The following ABCA1 variants were observed in gnomAD, a reference collection of about 807,000 sequenced individuals.
ABCA1 encodes the protein phospholipid-transporting ATPase ABCA1.
A neutral mutation model predicts 262.5 loss-of-function variants in ABCA1; 133 were observed. The ratio of observed to expected loss-of-function variants is 0.51; its 90% CI spans 0.44 to 0.59. The LOEUF is 0.59. Ranked by LOEUF, ABCA1 falls within the 20% of genes least tolerant of loss-of-function variation. The pLI is 0.00. For synonymous variants in ABCA1, 1,022 were observed against 1,043.5 expected (o/e 0.98, Z 0.40); for missense variants, 2,452 against 2,777.5 (o/e 0.88, Z 2.63).
intron 37 of ABCA1, among the ~76,000 whole-genome samples, chr9:104,796,960 T>A (rs889500779): frequency 6.6e-6 from 1 of 152,092 alleles, no homozygotes; most frequent in East Asian, 1.9e-4. Context: ...AGGACAATTA[T>A]GAGAATTCAC....
At position 104,817,248 on chromosome 9, in the gene ABCA1, C is replaced by G. The variant is rs1831855412; in HGVS notation, c.3535+84G>C. ...AACCTTGAGTCAGCGCCACCAGCCT[C>G]TGCACCTCTCCTCCTCTGCCTCCAC... On this transcript the variant is annotated intron_variant, in intron 24 of 49. Coordinates refer to ENST00000374736, the MANE Select transcript of ABCA1 (RefSeq NM_005502.4). This position sits in a 1 kb window ranked among gnomAD's most constrained non-coding sequence, Gnocchi z 4.7. 1.1e-5 allele frequency: 17 copies of G among 1,611,218 alleles called. No individual in the cohort carries two copies. The highest frequency in any genetic ancestry group is 1.4e-5 in the Non-Finnish European group (16 of 1,179,124).
At chr9:104,832,462 T>G (rs1833430088) in intron 12 of ABCA1, 112 bp downstream of exon 12, 16 of 1,183,080 alleles carry the variant, frequency 1.4e-5, no homozygotes, top group Admixed American at 1.9e-5. Flanking sequence ...GATAGTTTTG[T>G]AAATGAGACT....
At chr9:104,787,519 C>G (rs541071379) in intron 46 of ABCA1, among the ~76,000 whole-genome samples, 1 of 152,252 alleles carries the variant, frequency 6.6e-6, no homozygotes, top group East Asian at 1.9e-4. Context: ...GGGCCACTTC[C>G]CAGTCTGATC....
At chr9:104,793,364 A>G (rs751419552) in intron 40 of ABCA1, 64 bp from the exon 41 acceptor site, 23 of 1,611,032 alleles carry the variant, frequency 1.4e-5, no homozygotes, top group African/African-American at 2.7e-5. Flanking sequence ...CCCTTCCTCA[A>G]ATTTGGGCCT....
chr9:104,809,438 G>T (rs530108678), intron 30 of ABCA1, 28 bp downstream of exon 30: 1 of 1,605,208 alleles, frequency 6.2e-7, no homozygotes, highest in Non-Finnish European at 8.5e-7. Flanking sequence ...AGCACAAGAA[G>T]CCTGCTTATG....
intron 32 of ABCA1, among the ~76,000 whole-genome samples, chr9:104,803,896 C>T (rs1252272823): frequency 6.6e-6 from 1 of 152,218 alleles, no homozygotes; most frequent in South Asian, 2.1e-4. Context: ...CATGAGCCAC[C>T]GTGCCTGGCC....
At chr9:104,808,455 T>C (rs1403325732) in intron 30 of ABCA1, among the ~76,000 whole-genome samples, 1 of 152,226 alleles carries the variant, frequency 6.6e-6, no homozygotes, top group African/African-American at 2.4e-5. Flanking sequence ...GAAATCCAGA[T>C]AGGCCGTGTC....
chr9:104,882,421 T>C (rs1362118043), intron 5 of ABCA1, among the ~76,000 whole-genome samples: 1 of 152,234 alleles, frequency 6.6e-6, no homozygotes, highest in Non-Finnish European at 1.5e-5. Context: ...CCTGGAAGGC[T>C]GCTCTGATGC....
At chr9:104,826,532 A>T (rs1398078659) in intron 16 of ABCA1, among the ~76,000 whole-genome samples, 1 of 152,254 alleles carries the variant, frequency 6.6e-6, no homozygotes, top group East Asian at 1.9e-4. Context: ...GACACAAGGA[A>T]GACAAGAGAG....
At chr9:104,914,766 A>G (rs1380496052) in intron 1 of ABCA1, among the ~76,000 whole-genome samples, 1 of 152,210 alleles carries the variant, frequency 6.6e-6, no homozygotes, top group Non-Finnish European at 1.5e-5. Context: ...GTAACAAACC[A>G]GTCAAGAAAT....
intron 7 of ABCA1, chr9:104,855,560 T>A (rs1835765329): frequency 9.2e-7 from 1 of 1,085,202 alleles, no homozygotes; most frequent in African/African-American, 1.6e-5. Flanking sequence ...ACTACTCATG[T>A]CAATTAAATT....
At position 104,809,465 on chromosome 9, in the gene ABCA1, C is replaced by A. The variant is rs1371879163; in HGVS notation, c.4274+1G>T. On this transcript the variant is annotated splice_donor_variant, in intron 30 of 49. Coordinates refer to ENST00000374736, the MANE Select transcript of ABCA1 (RefSeq NM_005502.4). LOFTEE classifies it high-confidence loss of function. ...CTGCTTATGGCTAAAGTGGCACTCA[C>A]GGGATTGGGTTTCCTTCCATACAGC... 1.1e-5 allele frequency: 17 copies of A among 1,614,108 alleles called. No individual in the cohort carries two copies. Among genetic ancestry groups the A allele is most frequent in the Non-Finnish European group, 1.4e-5 (17 of 1,179,972 alleles).
Position 104,904,456 on chromosome 9 carries a change from T to TA in ABCA1, c.-92-686dup, listed in dbSNP as rs532696245. On this transcript the variant is annotated intron_variant, in intron 1 of 49. Coordinates refer to ENST00000374736, the MANE Select transcript of ABCA1 (RefSeq NM_005502.4). ...GGTGGCAGGCACCTGTAGTCCCAGC[T>TA]ACTTGGGAGGCTGAGGCAGGAGAAT... Among the ~76,000 whole-genome samples the TA allele has an allele frequency of 1.4e-3, 209 of 151,108 alleles. 2 individuals are homozygous for TA. In the Middle Eastern group the frequency reaches 0.021, roughly 15 times the overall value.
chr9:104,900,469 T>C (rs1235817070), intron 2 of ABCA1, among the ~76,000 whole-genome samples: 1 of 152,174 alleles, frequency 6.6e-6, no homozygotes, highest in Non-Finnish European at 1.5e-5. Flanking sequence ...CTTCTTCCCC[T>C]ACCTAATGGG....
At chr9:104,812,284 C>T (rs945319063) in intron 28 of ABCA1, among the ~76,000 whole-genome samples, 2 of 152,206 alleles carry the variant, frequency 1.3e-5, no homozygotes, top group Admixed American at 6.5e-5. Flanking sequence ...AAACTAAGCA[C>T]TTACTAATGT....
intron 1 of ABCA1, among the ~76,000 whole-genome samples, chr9:104,907,242 C>T (rs1178371978): frequency 1.3e-5 from 2 of 152,196 alleles, no homozygotes; most frequent in African/African-American, 2.4e-5. Context: ...TTTTCAAGCA[C>T]TGCTAGCCTG....
At position 104,792,789 on chromosome 9, in the gene ABCA1, C is replaced by T. The variant is rs143484685; in HGVS notation, c.5754G>A (p.Thr1918=). ...ATTGTAACCTGTACTCTCTCACCTT[C>T]GTCAACTCCTTGATTTCTAAGATGT... ...QNDILEIKEL[T]KIYRRKRKPA... Residue 1918 remains threonine (T), a synonymous_variant, in exon 42 of 50, where the codon ACG becomes ACA. Coordinates refer to ENST00000374736, the MANE Select transcript of ABCA1 (RefSeq NM_005502.4). The T allele has an allele frequency of 1.5e-5, 24 of 1,613,986 alleles. No homozygotes were observed. In the African/African-American group the frequency reaches 2.0e-4, roughly 13 times the overall value.
chr9:104,898,307 T>C (rs938403667), intron 2 of ABCA1, among the ~76,000 whole-genome samples: 3 of 151,992 alleles, frequency 2.0e-5, no homozygotes, highest in African/African-American at 7.3e-5. Context: ...TCCCAGCACT[T>C]TGGGAAGCCG....
At chr9:104,823,582 G>A (rs1832566844) in intron 18 of ABCA1, among the ~76,000 whole-genome samples, 1 of 152,164 alleles carries the variant, frequency 6.6e-6, no homozygotes, top group African/African-American at 2.4e-5. Context: ...CTGACTACCT[G>A]AGAACCAAGG....
Sources: allele counts gnomAD v4.1 joint callset (sites outside exome capture counted in the v4.1 genomes callset), GRCh38; gene constraint gnomAD v4.1.1; non-coding constraint Gnocchi (gnomAD v3.1); transcripts MANE v1.5; gene names NCBI Gene and HGNC (gene_info 2026-07-23, HGNC 2026-07-21).